The following NOS2 variants were observed in gnomAD, a reference collection of about 807,000 sequenced individuals.
NOS2 encodes nitric oxide synthase 2, also known as nitric oxide synthase, inducible.
In NOS2, 96 loss-of-function variants were observed where a neutral mutation model predicts 136.0. The ratio of observed to expected loss-of-function variants is 0.71; its 90% CI spans 0.60 to 0.84. The LOEUF (loss-of-function observed/expected upper bound fraction) is 0.84. NOS2 is among the 40% of genes least tolerant of loss of function. NOS2 has a pLI of 0.00. For synonymous variants in NOS2, 539 were observed against 587.5 expected, an observed-to-expected ratio of 0.92 and a Z score of 1.20; for missense variants, 1,237 against 1,496.9, an observed-to-expected ratio of 0.83 and a Z score of 2.87.
In NOS2 at chr17:27,772,298, G is replaced by A. The variant is rs3729720; in HGVS notation, c.1704+10C>T. 2.5e-3 allele frequency: 4,097 copies of A among 1,614,066 alleles called. 85 individuals carry two copies. In the African/African-American group the frequency reaches 0.047, roughly 19 times the overall value. ...CAGAAAAAACAACAGCCATCCCACT[G>A]AGCCAGTACCTTGGGGTTGAAGGCA... On this transcript the variant is annotated intron_variant, in intron 14 of 26. Transcript: ENST00000313735.
chr17:27,797,478 G>A (rs1282248915), intron 2 of NOS2, among the ~76,000 whole-genome samples: 1 of 152,208 alleles, frequency 6.6e-6, no homozygotes, highest in African/African-American at 2.4e-5. Context: ...AGGTTACAGG[G>A]CTACTGAGTG....
chr17:27,799,765 G>A (rs1909472907), intron 1 of NOS2, among the ~76,000 whole-genome samples: 1 of 150,290 alleles, frequency 6.7e-6, no homozygotes, highest in South Asian at 2.1e-4. Context: ...AGGATTGCTT[G>A]AGGCTGGGCA....
At chr17:27,799,537 G>A (rs113623718) in intron 1 of NOS2, among the ~76,000 whole-genome samples, 18 of 152,344 alleles carry the variant, frequency 1.2e-4, no homozygotes, top group African/African-American at 4.1e-4. Flanking sequence ...ACAGTGTAGT[G>A]AATATAGTCC....
At chr17:27,760,568 TA>T in intron 24 of NOS2, 54 bp downstream of exon 24, 3 of 1,550,120 alleles carry the variant, frequency 1.9e-6, no homozygotes, top group Admixed American at 2.0e-5. Context: ...GTTCTGCTCC[TA>T]GGCAGGCGCT....
intron 8 of NOS2, 52 bp downstream of exon 8, chr17:27,780,984 C>G: frequency 6.2e-7 from 1 of 1,601,876 alleles, no homozygotes; most frequent in South Asian, 1.1e-5. Context: ...GTCACTCGCT[C>G]ACCACGGGGC....
chr17:27,763,436 TA>T (rs1908200161), intron 21 of NOS2, among the ~76,000 whole-genome samples: 1 of 152,202 alleles, frequency 6.6e-6, no homozygotes, highest in Non-Finnish European at 1.5e-5. Context: ...GCCAAGTTAG[TA>T]CATTGCAGCC....
intron 26 of NOS2, 152 bp from the exon 27 acceptor site, chr17:27,757,505 C>T (rs1328608544): frequency 1.5e-6 from 1 of 655,188 alleles, no homozygotes; most frequent in African/African-American, 1.8e-5. Flanking sequence ...TAGACCCTAA[C>T]CCTGCTCAGC....
chr17:27,760,796 G>T (rs1567632487), intron 23 of NOS2, 52 bp from the exon 24 acceptor site: 4 of 1,523,156 alleles, frequency 2.6e-6, no homozygotes, highest in Non-Finnish European at 3.5e-6. Context: ...CCAGGCCCAC[G>T]CACACACAGG....
intron 9 of NOS2, among the ~76,000 whole-genome samples, chr17:27,780,349 G>A (rs1908802337): frequency 6.6e-6 from 1 of 152,238 alleles, no homozygotes; most frequent in Admixed American, 6.5e-5. Flanking sequence ...ACTGCCTAGA[G>A]CAGGGGCTGG....
chr17:27,770,626 T>C (rs1908461384), intron 15 of NOS2, among the ~76,000 whole-genome samples: 1 of 152,378 alleles, frequency 6.6e-6, no homozygotes, highest in Middle Eastern at 3.4e-3. Flanking sequence ...ATTTATGTTT[T>C]GCTGCTTTCC....
chr17:27,787,672 C>A lies in NOS2; in HGVS notation c.467+6G>T, dbSNP rs1909060368. ...AGGCAGCGACCCTGCAGGAGGCAAG[C>A]CTTACTCTTTGAAGGAGCCGTAATA... On this transcript the variant is annotated splice_donor_region_variant and intron_variant, in intron 5 of 26. Transcript: ENST00000313735. 2.5e-6 allele frequency: 4 copies of A among 1,609,896 alleles called. No individual in the cohort carries two copies. The South Asian group carries it at 3.3e-5, about 13-fold the overall frequency.
chr17:27,772,577 C>T (rs1369289205), intron 13 of NOS2, 125 bp from the exon 14 acceptor site: 8 of 1,057,486 alleles, frequency 7.6e-6, no homozygotes, highest in East Asian at 2.6e-5. Flanking sequence ...AAGCAAGCTA[C>T]GTTTCTCACC....
In NOS2 at chr17:27,762,882, TG is replaced by T; in HGVS notation, c.2715del (p.Arg906GlyfsTer18). The T allele has an allele frequency of 6.3e-7, 1 of 1,592,940 alleles. No homozygotes were observed. Among genetic ancestry groups the T allele is most frequent in the Non-Finnish European group, 8.5e-7 (1 of 1,170,332 alleles). ...FLLSQLPILKPRFYSISSSRD... is the reference protein window; with the variant it reads ...FLLSQLPILKXRFYSISSSRD... ...CGGGAGGAGCTGATGGAGTAGAACC[TG>T]GGCTTCAGAATGGGGAGCTGGGAAA... On this transcript the variant is annotated frameshift_variant, in exon 22 of 27. Transcript: ENST00000313735. LOFTEE classifies it high-confidence loss of function.
chr17:27,764,330 G>A (rs958490954), intron 20 of NOS2, among the ~76,000 whole-genome samples, 186 bp from the exon 21 acceptor site: 1 of 152,104 alleles, frequency 6.6e-6, no homozygotes, highest in African/African-American at 2.4e-5. Context: ...GCCAGGGAAG[G>A]CTGATCACCA....
chr17:27,759,814 T>C (rs898752754), intron 25 of NOS2, among the ~76,000 whole-genome samples: 2 of 152,118 alleles, frequency 1.3e-5, no homozygotes, highest in African/African-American at 4.8e-5. Context: ...TTAACCCGCG[T>C]GTGACCTAGG....
At chr17:27,786,769 C>T (rs1235291149) in intron 5 of NOS2, among the ~76,000 whole-genome samples, 1 of 152,156 alleles carries the variant, frequency 6.6e-6, no homozygotes, top group Non-Finnish European at 1.5e-5. Flanking sequence ...GACAAAGTAA[C>T]TTGCCCAGGG....
In NOS2 at chr17:27,770,946, C is replaced by T. The variant is rs201002421; in HGVS notation, c.1776G>A (p.Thr592=). Residue 592 remains threonine (T), a synonymous_variant, in exon 15 of 27, where the codon ACG becomes ACA. Coordinates refer to ENST00000313735, the MANE Select transcript of NOS2 (RefSeq NM_000625.4). ...EERLLLVVTS[T]FGNGDCPGNG... ...TGCCAGGGCAGTCTCCATTGCCAAA[C>T]GTACTGGTCACCACCAACAGCAGCC... 244 of 1,614,150 alleles carry T rather than the reference C, an allele frequency of 1.5e-4. 1 individual carries two copies. In the South Asian group the frequency reaches 2.4e-3, roughly 16 times the overall value.
At chr17:27,759,568 C>A (rs1908046011) in intron 25 of NOS2, among the ~76,000 whole-genome samples, 2 of 152,130 alleles carry the variant, frequency 1.3e-5, no homozygotes, top group African/African-American at 4.8e-5. Context: ...GCACTGGGCC[C>A]AAGAGGTGCC....
intron 11 of NOS2, among the ~76,000 whole-genome samples, chr17:27,776,425 C>A (rs770453256): frequency 6.6e-6 from 1 of 152,128 alleles, no homozygotes. Flanking sequence ...GTAATCCCAG[C>A]ACTTTGGGAG....
Sources: allele counts gnomAD v4.1 joint callset (sites outside exome capture counted in the v4.1 genomes callset), GRCh38; gene constraint gnomAD v4.1.1; transcripts MANE v1.5; gene names NCBI Gene and HGNC (gene_info 2026-07-23, HGNC 2026-07-21).